The following IL1RAPL2 variants were observed in gnomAD, a reference collection of about 807,000 sequenced individuals.
IL1RAPL2 encodes the protein X-linked interleukin-1 receptor accessory protein-like 2.
A neutral mutation model predicts 44.1 loss-of-function variants in IL1RAPL2; 3 were observed. The observed-to-expected ratio is 0.07, with a 90% CI of 0.03 to 0.18. The LOEUF is 0.18. IL1RAPL2 is among the 10% of genes least tolerant of loss of function. IL1RAPL2 has a pLI of 1.00. For synonymous variants in IL1RAPL2, 181 were observed against 178.8 expected (o/e 1.01, Z -0.10); for missense variants, 391 against 496.4 (o/e 0.79, Z 2.02).
intron 5 of IL1RAPL2, among the ~76,000 whole-genome samples, chrX:105,456,901 A>C (rs1219364610): frequency 9.0e-6 from 1 of 111,259 alleles, no homozygotes; most frequent in Non-Finnish European, 1.9e-5. Context: ...GTCTCATTTT[A>C]AAGTATCCTT....
At chrX:105,074,853 G>C (rs776422848) in intron 2 of IL1RAPL2, among the ~76,000 whole-genome samples, 2,517 of 109,811 alleles carry the variant, frequency 0.023, 62 homozygotes, top group African/African-American at 0.08. Context: ...GTCTGTTATT[G>C]GTGTATAAGA....
At chrX:104,734,601 C>T (rs1260611537) in intron 2 of IL1RAPL2, among the ~76,000 whole-genome samples, 1 of 111,650 alleles carries the variant, frequency 9.0e-6, no homozygotes, top group Non-Finnish European at 1.9e-5. Flanking sequence ...GATAAAACTA[C>T]AGTGACAGAG....
chrX:104,896,109 CACA>C lies in IL1RAPL2; in HGVS notation c.82+237118_82+237120del, dbSNP rs1248865959. ...TTACAGGAAAAGGCTTCTGAAATCA[CACA>C]ACACCTTTCAAACTCTTATACCAAC... On this transcript the variant is annotated intron_variant, in intron 2 of 10. Transcript: ENST00000372582. Among the ~76,000 whole-genome samples the C allele has an allele frequency of 2.7e-5, 3 of 111,822 alleles. 1 individual carries two copies. The highest frequency in any genetic ancestry group is 9.8e-5 in the African/African-American group (3 of 30,728).
intron 5 of IL1RAPL2, among the ~76,000 whole-genome samples, chrX:105,287,643 GA>G (rs916450788): frequency 1.5e-4 from 17 of 111,416 alleles, no homozygotes; most frequent in African/African-American, 5.5e-4. Flanking sequence ...TGTGACTATA[GA>G]GAAAAGTAGA....
rs765353620 is a variant in IL1RAPL2 at position 104,968,074 on chromosome X, AAAGAC to A, written c.83-227398_83-227394del. On this transcript the variant is annotated intron_variant, in intron 2 of 10. Coordinates refer to ENST00000372582, the MANE Select transcript of IL1RAPL2 (RefSeq NM_017416.2). Reference sequence around the variant, plus strand: ...AATAATCTTTATTCCAAAAGTAGATAAAGACAATAGGAAAAATGAAAAGTGTAAGT... The same window carrying A: ...AATAATCTTTATTCCAAAAGTAGATAAATAGGAAAAATGAAAAGTGTAAGT... Among the ~76,000 whole-genome samples, 9 of 111,650 alleles carry A rather than the reference AAAGAC, an allele frequency of 8.1e-5. No homozygotes were observed. The South Asian group carries it at 3.3e-3, about 41-fold the overall frequency.
intron 2 of IL1RAPL2, among the ~76,000 whole-genome samples, chrX:105,184,429 A>C (rs2033564215): frequency 1.9e-5 from 2 of 107,337 alleles, no homozygotes; most frequent in East Asian, 2.9e-4. Flanking sequence ...TATGTATTAT[A>C]TACATTATAT....
At chrX:105,766,737 T>C (rs1441662458) in intron 10 of IL1RAPL2, among the ~76,000 whole-genome samples, 2 of 109,996 alleles carry the variant, frequency 1.8e-5, no homozygotes, top group African/African-American at 3.3e-5. Context: ...TCAGAGTTTA[T>C]GTTAGCCAAC....
chrX:105,097,639 T>A (rs2032622601), intron 2 of IL1RAPL2, among the ~76,000 whole-genome samples: 1 of 112,004 alleles, frequency 8.9e-6, no homozygotes, highest in Non-Finnish European at 1.9e-5. Context: ...TTGAGTTGTG[T>A]ACACCATTAA....
At chrX:105,021,342 A>G (rs746451083) in intron 2 of IL1RAPL2, among the ~76,000 whole-genome samples, 16 of 111,444 alleles carry the variant, frequency 1.4e-4, no homozygotes, top group Admixed American at 1.4e-3. Flanking sequence ...ACATATTTTT[A>G]TCTCCATGAA....
chrX:104,643,872 T>G (rs1253200971), intron 1 of IL1RAPL2, among the ~76,000 whole-genome samples: 2 of 111,742 alleles, frequency 1.8e-5, no homozygotes, highest in Non-Finnish European at 3.8e-5. Flanking sequence ...GTAGTAAAAT[T>G]ACTTAGCTCA....
chrX:105,353,004 C>T (rs1421946284), intron 5 of IL1RAPL2, among the ~76,000 whole-genome samples: 1 of 110,783 alleles, frequency 9.0e-6, no homozygotes, highest in African/African-American at 3.3e-5. Context: ...GAAGTCCTTG[C>T]CCATGCCTAT....
At chrX:104,790,800 A>T (rs1932821757) in intron 2 of IL1RAPL2, among the ~76,000 whole-genome samples, 1 of 111,136 alleles carries the variant, frequency 9.0e-6, no homozygotes, top group African/African-American at 3.3e-5. Flanking sequence ...GTTTATTAGG[A>T]GAAATTTCTA....
At chrX:105,254,974 A>C (rs2034302716) in intron 4 of IL1RAPL2, among the ~76,000 whole-genome samples, 1 of 111,784 alleles carries the variant, frequency 8.9e-6, no homozygotes, top group East Asian at 2.8e-4. Context: ...TATAGTTTCA[A>C]GTCATTTAAC....
At chrX:105,724,890 C>T (rs1272961051) in intron 7 of IL1RAPL2, among the ~76,000 whole-genome samples, 2 of 110,968 alleles carry the variant, frequency 1.8e-5, no homozygotes, top group South Asian at 3.8e-4. Context: ...AGAGAGTACC[C>T]GCACAATGTC....
intron 1 of IL1RAPL2, among the ~76,000 whole-genome samples, chrX:104,611,669 C>G (rs1929162062): frequency 9.2e-6 from 1 of 108,780 alleles, no homozygotes; most frequent in Non-Finnish European, 1.9e-5. Flanking sequence ...AACCCCGTCT[C>G]TACTAAAAAT....
intron 2 of IL1RAPL2, among the ~76,000 whole-genome samples, chrX:104,674,222 A>G (rs1930687923): frequency 8.9e-6 from 1 of 111,920 alleles, no homozygotes. Context: ...TCAGTATGAT[A>G]TCGGCTGTGG....
intron 4 of IL1RAPL2, among the ~76,000 whole-genome samples, chrX:105,236,061 G>T (rs1184747480): frequency 3.6e-5 from 4 of 112,345 alleles, no homozygotes; most frequent in African/African-American, 1.3e-4. Context: ...GCCAAAGAAA[G>T]AAAAAGAAAG....
chrX:105,006,995 C>T (rs1289979352), intron 2 of IL1RAPL2, among the ~76,000 whole-genome samples: 1 of 111,509 alleles, frequency 9.0e-6, no homozygotes, highest in Non-Finnish European at 1.9e-5. Flanking sequence ...CTGGCAGCTG[C>T]CTTTCTTATT....
intron 6 of IL1RAPL2, among the ~76,000 whole-genome samples, chrX:105,557,055 A>T (rs754750655): frequency 8.9e-6 from 1 of 112,140 alleles, no homozygotes; most frequent in Non-Finnish European, 1.9e-5. Flanking sequence ...TATGGAAATA[A>T]GTTTGTCTAT....
Sources: gnomAD v4.1 joint callset for allele counts (sites outside exome capture counted in the v4.1 genomes callset) on GRCh38, gnomAD v4.1.1 for gene constraint, MANE v1.5 for transcripts, NCBI Gene and HGNC (gene_info 2026-07-23, HGNC 2026-07-21) for gene names.